SYNJ2BP: variants seen among roughly 807,000 people sequenced by gnomAD.
The protein encoded by SYNJ2BP is synaptojanin 2 binding protein, also known as synaptojanin-2-binding protein.
SYNJ2BP carries 10 observed loss-of-function variants against 16.9 expected under a neutral mutation model. That is an observed-to-expected ratio of 0.59 (90% confidence interval 0.36 to 1.00). The LOEUF is 1.00. SYNJ2BP is among the 50% of genes least tolerant of loss of function. The pLI is 0.01. For synonymous variants in SYNJ2BP, 54 were observed against 68.4 expected (o/e 0.79, Z 1.04); for missense variants, 162 against 186.7 (o/e 0.87, Z 0.77).
intron 3 of SYNJ2BP, among the ~76,000 whole-genome samples, chr14:70,373,510 G>A (rs1887562406): frequency 6.6e-6 from 1 of 152,126 alleles, no homozygotes; most frequent in African/African-American, 2.4e-5. Context: ...GAAGAAGGGG[G>A]ATCTTTCTGG....
chr14:70,395,551 C>G (rs928055328), intron 1 of SYNJ2BP, among the ~76,000 whole-genome samples: 1 of 151,464 alleles, frequency 6.6e-6, no homozygotes, highest in African/African-American at 2.4e-5. Flanking sequence ...AAGATCAATC[C>G]GACTAATTTT....
At chr14:70,387,664 T>A (rs1341347756) in intron 2 of SYNJ2BP, among the ~76,000 whole-genome samples, 1 of 151,998 alleles carries the variant, frequency 6.6e-6, no homozygotes, top group South Asian at 2.1e-4. Context: ...ACCCTGTCTA[T>A]ACTAAAAATA....
In SYNJ2BP at chr14:70,367,584, A is replaced by AG. The variant is rs1368325160; in HGVS notation, c.*5406_*5407insC. 1.3e-5 allele frequency: 2 copies of AG among 150,518 alleles called. No individual in the cohort carries two copies. Among genetic ancestry groups the AG allele is most frequent in the African/African-American group, 4.9e-5 (2 of 41,082 alleles). The allele number at this position is 150,518 out of a possible 1,614,324, so 9.3% of individuals were successfully genotyped here. A position where few individuals can be genotyped will look rare whatever the true frequency, so the allele number is the denominator to read the frequency against. ...CTCAAAAAAAAAAAAAAAAAAAAAA[A>AG]AAAGAAAAGAAAAGAATCTGGTTCT... On this transcript the variant is annotated 3_prime_UTR_variant, in exon 4 of 4. Coordinates refer to ENST00000256366, the MANE Select transcript of SYNJ2BP (RefSeq NM_018373.3).
chr14:70,399,729 C>T lies in SYNJ2BP; in HGVS notation c.65-11123G>A, dbSNP rs554171498. Among the ~76,000 whole-genome samples the T allele has an allele frequency of 2.0e-5, 3 of 152,182 alleles. No homozygotes were observed. The South Asian group carries it at 6.2e-4, about 32-fold the overall frequency. ...GGACGATGACTGCTCTTAACTGCTT[C>T]ATGCTGACAGAGGGTGTTAATTTGT... On this transcript the variant is annotated intron_variant, in intron 1 of 3. Coordinates refer to ENST00000256366, the MANE Select transcript of SYNJ2BP (RefSeq NM_018373.3).
intron 1 of SYNJ2BP, among the ~76,000 whole-genome samples, chr14:70,412,552 A>ATATATATGTATGTATAGTATATATACAG: frequency 2.7e-5 from 2 of 74,826 alleles, no homozygotes; most frequent in South Asian, 8.4e-4. Context: ...TATATACAGT[A>ATATATATGTATGTATAGTATATATACAG]TATATATGTA....
chr14:70,389,351 T>C (rs1887929747), intron 1 of SYNJ2BP, among the ~76,000 whole-genome samples: 1 of 150,750 alleles, frequency 6.6e-6, no homozygotes, highest in Admixed American at 6.6e-5. Context: ...GATAGTGCTT[T>C]AGAAAAATCT....
At chr14:70,402,493 G>A (rs1888260745) in intron 1 of SYNJ2BP, among the ~76,000 whole-genome samples, 1 of 151,996 alleles carries the variant, frequency 6.6e-6, no homozygotes, top group Non-Finnish European at 1.5e-5. Context: ...TAAAGATCCA[G>A]ATGCACTGCC....
chr14:70,393,112 AG>A, intron 1 of SYNJ2BP, among the ~76,000 whole-genome samples: 1 of 152,346 alleles, frequency 6.6e-6, no homozygotes, highest in Non-Finnish European at 1.5e-5. Flanking sequence ...CAAATTTACA[AG>A]GAAAAAACAA....
chr14:70,410,879 G>T (rs1888457906), intron 1 of SYNJ2BP, among the ~76,000 whole-genome samples: 1 of 152,132 alleles, frequency 6.6e-6, no homozygotes, highest in African/African-American at 2.4e-5. Flanking sequence ...TGAGAGGAAA[G>T]AATCAGGAAA....
rs1887474765 is a variant in SYNJ2BP at position 70,369,622 on chromosome 14, AAATAATGTACC to A, written c.*3358_*3368del. The A allele has an allele frequency of 1.3e-5, 2 of 152,208 alleles. No individual in the cohort carries two copies. Among genetic ancestry groups the A allele is most frequent in the African/African-American group, 4.8e-5 (2 of 41,462 alleles). 9.4% of individuals were successfully genotyped at this position (152,208 alleles called of 1,614,324 possible). A position where few individuals can be genotyped will look rare whatever the true frequency, so the allele number is the denominator to read the frequency against. ...TTAGATCCCAGAGTTATGAGACATG[AAATAATGTACC>A]AATCAGAGTTTGGTACAGTCCCTGG... On this transcript the variant is annotated 3_prime_UTR_variant, in exon 4 of 4. Coordinates refer to ENST00000256366, the MANE Select transcript of SYNJ2BP (RefSeq NM_018373.3).
At chr14:70,375,288 A>C (rs1594940767) in intron 3 of SYNJ2BP, among the ~76,000 whole-genome samples, 3 of 142,964 alleles carry the variant, frequency 2.1e-5, no homozygotes, top group Admixed American at 7.3e-5. Context: ...TGCAACCTCT[A>C]CCTCCTGGGC....
intron 2 of SYNJ2BP, among the ~76,000 whole-genome samples, chr14:70,385,207 A>G (rs1004799658): frequency 2.0e-5 from 3 of 152,068 alleles, no homozygotes; most frequent in African/African-American, 4.8e-5. Context: ...GAGGCCTTTC[A>G]ATAATTTATT....
In SYNJ2BP at chr14:70,367,064, T is replaced by A. The variant is rs906884386; in HGVS notation, c.*5927A>T. 21 of 152,172 alleles carry A rather than the reference T, an allele frequency of 1.4e-4. No homozygotes were observed. Among genetic ancestry groups the A allele is most frequent in the Non-Finnish European group, 2.9e-4 (20 of 68,024 alleles). 9.4% of individuals were successfully genotyped at this position (152,172 alleles called of 1,614,324 possible). On this transcript the variant is annotated 3_prime_UTR_variant, in exon 4 of 4. Coordinates refer to ENST00000256366, the MANE Select transcript of SYNJ2BP (RefSeq NM_018373.3). ...ATTGTTGGTTAAGGATTGACTTGCA[T>A]TGACAACACACTTTAGCTCTCGCCC...
chr14:70,372,305 C>T lies in SYNJ2BP; in HGVS notation c.*686G>A, dbSNP rs1887533925. ...TATTTTAATAAATGAGACTGAACGT[C>T]CTCTTATAAGGCTCACTCCCTTGTT... On this transcript the variant is annotated 3_prime_UTR_variant, in exon 4 of 4. Coordinates refer to ENST00000256366, the MANE Select transcript of SYNJ2BP (RefSeq NM_018373.3). 1 of 152,502 alleles carries T rather than the reference C, an allele frequency of 6.6e-6. No homozygotes were observed. The highest frequency in any genetic ancestry group is 2.1e-4 in the South Asian group (1 of 4,818). The allele number at this position is 152,502 out of a possible 1,614,324, so 9.4% of individuals were successfully genotyped here.
In SYNJ2BP at chr14:70,388,592, T is replaced by C. The variant is rs750804802; in HGVS notation, c.79A>G (p.Ile27Val). ...TRGPSGLGFN[I>V]VGGTDQQYVS... ...TACTGCTGATCTGTCCCACCGACGA[T>C]GTTGAAGCCCAGCCCTGAGAAAATC... is the stretch of plus-strand genomic sequence containing the variant. Residue 27 changes from isoleucine to valine, a missense_variant, in exon 2 of 4, where the codon ATC becomes GTC. Physicochemically the swap from Ile to Val is conservative, Grantham distance 29. Coordinates refer to ENST00000256366, the MANE Select transcript of SYNJ2BP (RefSeq NM_018373.3). 1 of 1,535,014 alleles carries C rather than the reference T, an allele frequency of 6.5e-7. No homozygotes were observed. The highest frequency in any genetic ancestry group is 2.0e-5 in the Admixed American group (1 of 49,108).
At chr14:70,373,174 G>A (rs1428511560) in intron 3 of SYNJ2BP, 43 bp from the exon 4 acceptor site, 1 of 1,607,630 alleles carries the variant, frequency 6.2e-7, no homozygotes, top group Non-Finnish European at 8.5e-7. Flanking sequence ...ACTAATGTGT[G>A]TTTGCAACTG....
intron 1 of SYNJ2BP, among the ~76,000 whole-genome samples, chr14:70,408,709 A>G (rs1040177608): frequency 2.0e-5 from 3 of 151,934 alleles, no homozygotes; most frequent in Non-Finnish European, 2.9e-5. Context: ...TCACAACTCT[A>G]TAAGTAGATT....
At chr14:70,401,773 G>T (rs1293910984) in intron 1 of SYNJ2BP, among the ~76,000 whole-genome samples, 1 of 151,824 alleles carries the variant, frequency 6.6e-6, no homozygotes, top group Non-Finnish European at 1.5e-5. Context: ...CTCCCAAATA[G>T]CTCGGACTAC....
rs1270426619 is a variant in SYNJ2BP at position 70,382,051 on chromosome 14, A to T, written c.202-6280T>A. Among the ~76,000 whole-genome samples the T allele has an allele frequency of 2.6e-5, 4 of 152,308 alleles. No homozygotes were observed. In the East Asian group the frequency reaches 7.7e-4, roughly 29 times the overall value. The stretch of plus-strand genomic sequence containing the variant: ...GGAGATCGAGACCATCCTAGCTAAC[A>T]TGGTGAAACCCTGTCTCTACTAAAA... On this transcript the variant is annotated intron_variant, in intron 2 of 3. Transcript: ENST00000256366.
Sources: gnomAD v4.1 joint callset for allele counts (sites outside exome capture counted in the v4.1 genomes callset) on GRCh38, gnomAD v4.1.1 for gene constraint, MANE v1.5 for transcripts, NCBI Gene and HGNC (gene_info 2026-07-23, HGNC 2026-07-21) for gene names.